The following DPP10 variants were observed in gnomAD, a reference collection of about 807,000 sequenced individuals.
The protein encoded by DPP10 is inactive dipeptidyl peptidase 10.
In DPP10, 33 loss-of-function variants were observed where a neutral mutation model predicts 120.9. The ratio of observed to expected loss-of-function variants is 0.27; its 90% CI spans 0.21 to 0.37. The LOEUF (loss-of-function observed/expected upper bound fraction) is 0.37, where lower values mean the gene tolerates loss of function less well. DPP10 is among the 10% of genes least tolerant of loss of function. DPP10 has a pLI of 1.00. For missense variants in DPP10, 816 were observed against 942.8 expected (o/e 0.87, Z 1.76); for synonymous variants, 337 against 326.1 (o/e 1.03, Z -0.36).
chr2:115,180,352 T>C (rs2053992215), intron 1 of DPP10, among the ~76,000 whole-genome samples: 1 of 152,196 alleles, frequency 6.6e-6, no homozygotes. Context: ...TGAATAGGTA[T>C]GACTTGAAAT....
chr2:114,887,829 G>A (rs1319650954), intron 1 of DPP10, among the ~76,000 whole-genome samples: 1 of 152,156 alleles, frequency 6.6e-6, no homozygotes, highest in East Asian at 1.9e-4. Context: ...ATATGACTCT[G>A]TTCTCTCATC....
chr2:114,956,278 A>G (rs1459081457), intron 1 of DPP10, among the ~76,000 whole-genome samples: 1 of 152,114 alleles, frequency 6.6e-6, no homozygotes, highest in Non-Finnish European at 1.5e-5. Context: ...AAAATCAGTA[A>G]CATTCCTTTA....
At chr2:115,800,472 G>A (rs956179557) in intron 19 of DPP10, among the ~76,000 whole-genome samples, 2 of 152,248 alleles carry the variant, frequency 1.3e-5, no homozygotes, top group African/African-American at 4.8e-5. Flanking sequence ...GGCTTTTGTT[G>A]CCATTGCTTT....
At chr2:115,628,687 T>G (rs1238959633) in intron 5 of DPP10, among the ~76,000 whole-genome samples, 2 of 152,140 alleles carry the variant, frequency 1.3e-5, no homozygotes, top group Non-Finnish European at 1.5e-5. Flanking sequence ...CTTGAGTTAA[T>G]TTTTGTATAA....
At chr2:114,572,287 T>C (rs1689716929) in intron 1 of DPP10, among the ~76,000 whole-genome samples, 1 of 152,268 alleles carries the variant, frequency 6.6e-6, no homozygotes, top group African/African-American at 2.4e-5. Context: ...ATATAGAATG[T>C]AAGGTGTTAC....
intron 2 of DPP10, among the ~76,000 whole-genome samples, chr2:115,338,447 A>ATTAATTT (rs2063275938): frequency 6.6e-6 from 1 of 152,078 alleles, no homozygotes; most frequent in South Asian, 2.1e-4. Context: ...TTTAAAATAA[A>ATTAATTT]TTAATTTTTT....
intron 5 of DPP10, among the ~76,000 whole-genome samples, chr2:115,687,151 GTAAAGC>G (rs1337527333): frequency 6.6e-6 from 1 of 152,100 alleles, no homozygotes; most frequent in East Asian, 1.9e-4. Context: ...CAGATGTTCA[GTAAAGC>G]TAAATCTAAT....
chr2:114,442,870 CAT>C (rs770111973), intron 1 of DPP10, 32 bp downstream of exon 1: 51 of 1,611,562 alleles, frequency 3.2e-5, no homozygotes, highest in Non-Finnish European at 4.2e-5. Flanking sequence ...TGCTTCTGCA[CAT>C]GTGTCTTCAT....
intron 1 of DPP10, among the ~76,000 whole-genome samples, chr2:114,581,489 T>A (rs1161841085): frequency 6.6e-6 from 1 of 152,102 alleles, no homozygotes; most frequent in Non-Finnish European, 1.5e-5. Context: ...AGCCAAAATA[T>A]AAAACATTAT....
At chr2:114,633,173 G>A (rs1427755788) in intron 1 of DPP10, among the ~76,000 whole-genome samples, 1 of 148,154 alleles carries the variant, frequency 6.7e-6, no homozygotes, top group African/African-American at 2.5e-5. Flanking sequence ...ACTTTGCATT[G>A]ATATTTTCAT....
chr2:115,307,653 A>G (rs1675202830), intron 1 of DPP10, among the ~76,000 whole-genome samples: 1 of 152,064 alleles, frequency 6.6e-6, no homozygotes, highest in Non-Finnish European at 1.5e-5. Flanking sequence ...CTGTCACTCT[A>G]CCTTCTGAGT....
At chr2:114,838,715 C>T (rs926990460) in intron 1 of DPP10, among the ~76,000 whole-genome samples, 4 of 152,178 alleles carry the variant, frequency 2.6e-5, no homozygotes, top group Admixed American at 2.6e-4. Flanking sequence ...CCAGAAGATG[C>T]TGAAGGCATA....
intron 1 of DPP10, chr2:115,161,825 CGCT>C: frequency 1.1e-6 from 1 of 884,556 alleles, no homozygotes. Flanking sequence ...CCCGCCCCTC[CGCT>C]CCCCCCACCC....
chr2:115,772,322 A>C (rs1681576748), intron 13 of DPP10, among the ~76,000 whole-genome samples: 1 of 152,094 alleles, frequency 6.6e-6, no homozygotes, highest in South Asian at 2.1e-4. Context: ...ACTGTATATA[A>C]AGCTTATTTA....
intron 1 of DPP10, among the ~76,000 whole-genome samples, chr2:115,291,126 C>G (rs141642175): frequency 4.7e-4 from 71 of 152,168 alleles, no homozygotes; most frequent in Admixed American, 8.5e-4. Context: ...ATCTAAGCCT[C>G]CAGGGTAGCT....
At chr2:115,744,121 G>A (rs936916817) in intron 9 of DPP10, among the ~76,000 whole-genome samples, 1 of 150,554 alleles carries the variant, frequency 6.6e-6, no homozygotes, top group African/African-American at 2.4e-5. Flanking sequence ...AGATTTGTAG[G>A]CCCACACTGA....
intron 1 of DPP10, among the ~76,000 whole-genome samples, chr2:114,879,840 T>A (rs985182754): frequency 1.3e-5 from 2 of 152,154 alleles, no homozygotes; most frequent in African/African-American, 2.4e-5. Context: ...GTGCTGTCAA[T>A]GAGCTTCCCT....
chr2:115,525,784 G>T (rs1008171423), intron 4 of DPP10, 114 bp from the exon 5 acceptor site: 61 of 704,578 alleles, frequency 8.7e-5, no homozygotes, highest in Non-Finnish European at 8.8e-5. Flanking sequence ...CAATATAAAA[G>T]AAATGAGAAT....
At chr2:114,835,278 C>G (rs551306766) in intron 1 of DPP10, 1 of 143,988 alleles carries the variant, frequency 6.9e-6, no homozygotes, top group African/African-American at 2.6e-5. Flanking sequence ...TATATATAGG[C>G]CATATCTACA....
Sources: allele counts gnomAD v4.1 joint callset (sites outside exome capture counted in the v4.1 genomes callset), GRCh38; gene constraint gnomAD v4.1.1; transcripts MANE v1.5; gene names NCBI Gene and HGNC (gene_info 2026-07-23, HGNC 2026-07-21).